Variants in QTMAN observed in about 807,000 individuals in gnomAD.
The protein encoded by QTMAN is queuosine-tRNA mannosyltransferase, also known as tRNA-queuosine alpha-mannosyltransferase.
the QTMAN span, among the ~76,000 whole-genome samples, chr2:144,323,874 GGAAACCTGTGAT>G: frequency 1.3e-5 from 2 of 152,120 alleles, no homozygotes; most frequent in Admixed American, 6.5e-5. Context: ...CTACAGATAA[GGAAACCTGTGAT>G]GAAGAAAGGT....
chr2:144,116,151 C>A, the QTMAN span, among the ~76,000 whole-genome samples: 12 of 151,906 alleles, frequency 7.9e-5, no homozygotes, highest in Admixed American at 7.2e-4. Flanking sequence ...ATGGTGTCAG[C>A]AATTTCTGCC....
the QTMAN span, among the ~76,000 whole-genome samples, chr2:144,003,105 T>C: frequency 6.6e-6 from 1 of 151,958 alleles, no homozygotes; most frequent in South Asian, 2.1e-4. Context: ...TTAAAGGCTA[T>C]AATGTAGATT....
the QTMAN span, among the ~76,000 whole-genome samples, chr2:143,996,854 A>G: frequency 6.6e-6 from 1 of 152,100 alleles, no homozygotes; most frequent in African/African-American, 2.4e-5. Context: ...TTGGTGGGGA[A>G]AGAAATGACA....
At chr2:143,951,385 G>A in the QTMAN span, among the ~76,000 whole-genome samples, 2 of 151,628 alleles carry the variant, frequency 1.3e-5, no homozygotes, top group South Asian at 2.1e-4. Flanking sequence ...TAACGAATGA[G>A]GGTAGTGAAT....
the QTMAN span, among the ~76,000 whole-genome samples, chr2:144,326,739 T>C: frequency 2.6e-5 from 4 of 152,214 alleles, no homozygotes; most frequent in Non-Finnish European, 1.5e-5. Flanking sequence ...ATATCTAATC[T>C]ATATGTATCA....
the QTMAN span, chr2:144,145,760 G>C: frequency 6.3e-6 from 10 of 1,598,104 alleles, no homozygotes; most frequent in Non-Finnish European, 8.5e-6. Context: ...AGAAAATTGG[G>C]GTTTACTGTC....
At chr2:144,127,496 G>A in the QTMAN span, among the ~76,000 whole-genome samples, 2 of 151,986 alleles carry the variant, frequency 1.3e-5, no homozygotes, top group South Asian at 2.1e-4. Context: ...ACAAAACATG[G>A]TAGTGGTATG....
At chr2:144,074,804 C>T in the QTMAN span, among the ~76,000 whole-genome samples, 1 of 152,052 alleles carries the variant, frequency 6.6e-6, no homozygotes, top group Non-Finnish European at 1.5e-5. Flanking sequence ...GTAATGTTCT[C>T]CAAAAATGTG....
At chr2:143,973,551 G>A in the QTMAN span, among the ~76,000 whole-genome samples, 78 of 152,224 alleles carry the variant, frequency 5.1e-4, 1 homozygote, top group Admixed American at 1.0e-3. Context: ...AGCACTTTGG[G>A]AGGCCGAGAC....
At chr2:143,979,941 C>T in the QTMAN span, among the ~76,000 whole-genome samples, 1 of 152,050 alleles carries the variant, frequency 6.6e-6, no homozygotes, top group Non-Finnish European at 1.5e-5. Flanking sequence ...TTAGCGAGGC[C>T]TCTTTTTTCC....
At chr2:144,237,062 C>T in the QTMAN span, among the ~76,000 whole-genome samples, 3 of 152,226 alleles carry the variant, frequency 2.0e-5, no homozygotes, top group African/African-American at 7.2e-5. Flanking sequence ...GCACTCAGTG[C>T]TGAGGACTCA....
chr2:143,959,158 GA>G, the QTMAN span, among the ~76,000 whole-genome samples: 1 of 151,918 alleles, frequency 6.6e-6, no homozygotes, highest in Admixed American at 6.6e-5. Flanking sequence ...TAACTTTTAA[GA>G]TATGATAAAA....
the QTMAN span, among the ~76,000 whole-genome samples, chr2:144,033,390 T>C: frequency 6.6e-6 from 1 of 152,070 alleles, no homozygotes; most frequent in Admixed American, 6.6e-5. Flanking sequence ...AGATGACTGG[T>C]TTATTGTAAA....
At chr2:144,034,765 A>C in the QTMAN span, among the ~76,000 whole-genome samples, 2 of 152,172 alleles carry the variant, frequency 1.3e-5, no homozygotes, top group Non-Finnish European at 2.9e-5. Flanking sequence ...CATCTCCTTC[A>C]AATTACCTGG....
At chr2:144,078,892 C>T in the QTMAN span, among the ~76,000 whole-genome samples, 3 of 152,124 alleles carry the variant, frequency 2.0e-5, no homozygotes, top group African/African-American at 7.2e-5. Context: ...GTCTATACAT[C>T]TCAAAGTGGC....
At chr2:144,087,059 A>G in the QTMAN span, among the ~76,000 whole-genome samples, 2 of 152,194 alleles carry the variant, frequency 1.3e-5, no homozygotes, top group Non-Finnish European at 2.9e-5. Flanking sequence ...GTTCTTTAAT[A>G]AGATCAATAA....
At chr2:144,044,253 T>C in the QTMAN span, among the ~76,000 whole-genome samples, 1 of 152,140 alleles carries the variant, frequency 6.6e-6, no homozygotes, top group Non-Finnish European at 1.5e-5. Context: ...AATACATACA[T>C]ATATATATAC....
the QTMAN span, among the ~76,000 whole-genome samples, chr2:144,195,330 TCAC>T: frequency 5.3e-5 from 8 of 152,142 alleles, no homozygotes; most frequent in Non-Finnish European, 1.0e-4. Context: ...AGGCTGGTAC[TCAC>T]CACAACTCCT....
At chr2:144,133,195 A>ATT in the QTMAN span, among the ~76,000 whole-genome samples, 1 of 79,508 alleles carries the variant, frequency 1.3e-5, no homozygotes, top group Non-Finnish European at 2.1e-5. Context: ...ATAAATTTAT[A>ATT]TATATATATT....
Sources: gnomAD v4.1 joint callset for allele counts (sites outside exome capture counted in the v4.1 genomes callset) on GRCh38, gnomAD v4.1.1 for gene constraint, MANE v1.5 for transcripts, NCBI Gene and HGNC (gene_info 2026-07-23, HGNC 2026-07-21) for gene names.